The following NFASC variants were observed in gnomAD, a reference collection of about 807,000 sequenced individuals.
NFASC encodes the protein neurofascin, also known as neurofascin homolog.
In NFASC, 43 loss-of-function variants were observed where a neutral mutation model predicts 147.5. That is an observed-to-expected ratio of 0.29 (90% confidence interval 0.23 to 0.38). The LOEUF (loss-of-function observed/expected upper bound fraction) is 0.38, where lower values mean the gene tolerates loss of function less well. Among genes scored for constraint, NFASC ranks in the 10% least tolerant of loss-of-function variants. The probability of loss-of-function intolerance (pLI) is 1.00; values close to 1 mark genes in which losing one functional copy is unlikely to be tolerated. For missense variants in NFASC, 1,320 were observed against 1,689.0 expected, an observed-to-expected ratio of 0.78 and a Z score of 3.83; for synonymous variants, 622 against 665.5, an observed-to-expected ratio of 0.93 and a Z score of 1.01.
intron 1 of NFASC, among the ~76,000 whole-genome samples, chr1:204,872,136 C>A (rs959558934): frequency 6.6e-6 from 1 of 152,238 alleles, no homozygotes; most frequent in African/African-American, 2.4e-5. Flanking sequence ...GTATTGCCTC[C>A]CTGGCTCAGA....
chr1:204,973,361 G>A lies in NFASC; in HGVS notation c.1221G>A (p.Gln407=), dbSNP rs771160442. 1.9e-6 allele frequency: 3 copies of A among 1,614,264 alleles called. No homozygotes were observed. Among genetic ancestry groups the A allele is most frequent in the Non-Finnish European group, 2.5e-6 (3 of 1,180,046 alleles). The change falls in exon 12 of 30, where the codon CAG becomes CAA. Residue 407 remains glutamine, a synonymous_variant. Transcript: ENST00000339876. ...AGATCAGCAGCAGGGCTGTGTACCA[G>A]TGCAACACCTCCAACGAGCATGGCT... The part of the protein sequence containing the change: ...DTQISSRAVY[Q]CNTSNEHGYL...
At chr1:205,000,117 C>G (rs2095942459) in intron 25 of NFASC, 1 of 152,182 alleles carries the variant, frequency 6.6e-6, no homozygotes, top group South Asian at 2.1e-4. Context: ...TTAATGTCCT[C>G]TGTGTTGCAT....
rs1276078049 is a variant in NFASC, at chr1:204,877,009, TATATATATATATATATATAATA to T, written c.-199-43622_-199-43601del. Among the ~76,000 whole-genome samples the T allele has an allele frequency of 3.1e-3, 340 of 111,086 alleles. 12 individuals carry two copies. The highest frequency in any genetic ancestry group is 0.013 in the African/African-American group (310 of 24,636). The allele number at this position is 111,086 out of a possible 152,430, so 72.9% of individuals were successfully genotyped here. On this transcript the variant is annotated intron_variant, in intron 1 of 29. Transcript: ENST00000339876. Reference sequence around the variant, plus strand: ...TTGGCTAAATATGTATATATATATATATATATATATATATATATAATATATATTTATATATATATAATATATT... The same window carrying T: ...TTGGCTAAATATGTATATATATATATTATATTTATATATATATAATATATT...
At chr1:204,842,000 T>A (rs114170526) in intron 1 of NFASC, among the ~76,000 whole-genome samples, 1,796 of 152,240 alleles carry the variant, frequency 0.012, 32 homozygotes, top group African/African-American at 0.04. Flanking sequence ...AGTTAGCGGG[T>A]GGAGCCCCAG....
At chr1:204,851,411 C>G (rs2075684016) in intron 1 of NFASC, among the ~76,000 whole-genome samples, 1 of 151,540 alleles carries the variant, frequency 6.6e-6, no homozygotes, top group African/African-American at 2.4e-5. Flanking sequence ...TGACTCACTG[C>G]AACCTCCACC....
Position 204,870,647 on chromosome 1 carries a change from T to C in NFASC, c.-200+41865T>C, listed in dbSNP as rs1445870596. The stretch of plus-strand genomic sequence containing the variant: ...GTCATGGGCCACACAACTCTTCCAT[T>C]ATGCATGAGGGAGACCCAGCGGTGA... On this transcript the variant is annotated intron_variant, in intron 1 of 29. Coordinates refer to ENST00000339876, the MANE Select transcript of NFASC (RefSeq NM_001005388.3). 3 of 1,033,138 alleles carry C rather than the reference T, an allele frequency of 2.9e-6. No homozygotes were observed. In the African/African-American group the frequency reaches 5.1e-5, roughly 18 times the overall value. The allele number at this position is 1,033,138 out of a possible 1,614,324, so 64.0% of individuals were successfully genotyped here. A position where few individuals can be genotyped will look rare whatever the true frequency, so the allele number is the denominator to read the frequency against.
intron 24 of NFASC, among the ~76,000 whole-genome samples, chr1:204,992,553 C>A (rs1012991373): frequency 6.6e-5 from 10 of 152,334 alleles, no homozygotes; most frequent in Admixed American, 6.5e-4. Context: ...GGTCTGAACA[C>A]CCCTGTGAAG....
Position 204,828,750 on chromosome 1 carries a change from C to G in NFASC, c.-232C>G. 1 of 985,934 alleles carries G rather than the reference C, an allele frequency of 1.0e-6. No homozygotes were observed. The highest frequency in any genetic ancestry group is 1.2e-6 in the Non-Finnish European group (1 of 830,440). The allele number at this position is 985,934 out of a possible 1,614,324, so 61.1% of individuals were successfully genotyped here. A position where few individuals can be genotyped will look rare whatever the true frequency, so the allele number is the denominator to read the frequency against. ...CGGCGCCGGCAGCGGACAGCTCGGA[C>G]AGCGCCCAGGGCCGGAGCCCGAGCC... On this transcript the variant is annotated 5_prime_UTR_variant, in exon 1 of 30. Transcript: ENST00000339876.
chr1:204,985,847 A>T, intron 21 of NFASC: 1 of 1,054,316 alleles, frequency 9.5e-7, no homozygotes, highest in Non-Finnish European at 1.4e-6. Flanking sequence ...CACTACCACC[A>T]CCACTAACAA....
chr1:205,009,993 A>T (rs2151018543), intron 28 of NFASC: 1 of 337,358 alleles, frequency 3.0e-6, no homozygotes, highest in African/African-American at 2.1e-5. Flanking sequence ...TGTTCTATAA[A>T]TTGGCTTTTT....
chr1:204,947,578 G>A (rs998444979), intron 3 of NFASC, among the ~76,000 whole-genome samples: 4 of 152,002 alleles, frequency 2.6e-5, no homozygotes, highest in African/African-American at 9.7e-5. Flanking sequence ...TCCCACTGCT[G>A]TGCCAGTGAA....
chr1:204,931,824 C>T (rs978595075), intron 2 of NFASC, among the ~76,000 whole-genome samples: 16 of 152,098 alleles, frequency 1.1e-4, no homozygotes, highest in African/African-American at 3.6e-4. Flanking sequence ...AACCTTGATG[C>T]CATCCTTCTT....
intron 1 of NFASC, among the ~76,000 whole-genome samples, chr1:204,877,068 TTATA>T (rs558299722): frequency 3.2e-5 from 3 of 93,768 alleles, no homozygotes; most frequent in African/African-American, 1.6e-4. Flanking sequence ...ATTTATATAT[TTATA>T]TATATATAAT....
intron 1 of NFASC, among the ~76,000 whole-genome samples, chr1:204,872,489 C>T (rs925733672): frequency 6.6e-6 from 1 of 152,218 alleles, no homozygotes; most frequent in Non-Finnish European, 1.5e-5. Context: ...GCTGGTGAGA[C>T]AGCTGGGGCT....
chr1:204,932,959 C>T (rs527989358), intron 2 of NFASC, among the ~76,000 whole-genome samples: 2 of 152,202 alleles, frequency 1.3e-5, no homozygotes, highest in South Asian at 4.2e-4. Context: ...CAGGGGATCA[C>T]ATGTGTAAGG....
intron 1 of NFASC, among the ~76,000 whole-genome samples, chr1:204,885,890 G>A (rs1428421333): frequency 1.3e-5 from 2 of 152,164 alleles, no homozygotes; most frequent in East Asian, 3.8e-4. Context: ...CAGCTCTCAG[G>A]TCTGAGCTTG....
intron 24 of NFASC, among the ~76,000 whole-genome samples, chr1:204,995,180 C>A (rs2095820324): frequency 6.6e-6 from 1 of 152,156 alleles, no homozygotes; most frequent in Non-Finnish European, 1.5e-5. Context: ...TGCTCCAGGT[C>A]TGTGCCAGCA....
chr1:204,900,936 C>G (rs955760711), intron 1 of NFASC, among the ~76,000 whole-genome samples: 8 of 152,062 alleles, frequency 5.3e-5, no homozygotes, highest in African/African-American at 1.7e-4. Flanking sequence ...CTTGGCCTCC[C>G]AAAGTGTTGG....
intron 28 of NFASC, among the ~76,000 whole-genome samples, chr1:205,012,167 C>G (rs1469776912): frequency 2.0e-5 from 3 of 152,278 alleles, no homozygotes; most frequent in Admixed American, 6.5e-5. Flanking sequence ...GGCACCGTAG[C>G]TGACACCGAA....
Sources: gnomAD v4.1 joint callset for allele counts (sites outside exome capture counted in the v4.1 genomes callset) on GRCh38, gnomAD v4.1.1 for gene constraint, MANE v1.5 for transcripts, NCBI Gene and HGNC (gene_info 2026-07-23, HGNC 2026-07-21) for gene names.